Variants in RGS22 observed in about 807,000 individuals in gnomAD.
RGS22 encodes regulator of G protein signaling 22, also known as regulator of G-protein signaling 22.
Under a neutral mutation model 172.9 loss-of-function variants are expected in RGS22, and 148 were observed. The ratio of observed to expected loss-of-function variants is 0.86; its 90% confidence interval spans 0.75 to 0.98. The LOEUF is 0.98. Ranked by LOEUF, RGS22 falls within the 50% of genes least tolerant of loss-of-function variation. The pLI is 0.00. For synonymous variants in RGS22, 458 were observed against 480.2 expected (o/e 0.95, Z 0.60); for missense variants, 1,347 against 1,440.8 (o/e 0.93, Z 1.05).
At chr8:100,057,110 AGAGCTTTAAGATTTG>A (rs1809699997) in intron 9 of RGS22, among the ~76,000 whole-genome samples, 1 of 152,252 alleles carries the variant, frequency 6.6e-6, no homozygotes, top group Non-Finnish European at 1.5e-5. Context: ...AGATCATTTC[AGAGCTTTAAGATTTG>A]GCTGTCCTGC....
intron 6 of RGS22, among the ~76,000 whole-genome samples, chr8:100,070,164 A>G (rs922345147): frequency 9.9e-5 from 15 of 151,974 alleles, no homozygotes; most frequent in African/African-American, 3.4e-4. Flanking sequence ...AGTTCTTTTT[A>G]GGTTTCCAGG....
At chr8:100,055,841 C>T (rs1822186791) in intron 9 of RGS22, among the ~76,000 whole-genome samples, 1 of 152,174 alleles carries the variant, frequency 6.6e-6, no homozygotes, top group African/African-American at 2.4e-5. Context: ...TTATATATTA[C>T]CCAGTCTCGG....
At position 100,051,684 on chromosome 8, in the gene RGS22, T is replaced by TATATATATTTATATATACGTATATATAA. The variant is rs1378665166; in HGVS notation, c.1689+1090_1689+1117dup. Among the ~76,000 whole-genome samples the TATATATATTTATATATACGTATATATAA allele has an allele frequency of 5.0e-4, 15 of 29,876 alleles. 1 individual carries two copies. Among genetic ancestry groups the TATATATATTTATATATACGTATATATAA allele is most frequent in the South Asian group, 1.1e-3 (1 of 918 alleles). 19.6% of individuals were successfully genotyped at this position (29,876 alleles called of 152,430 possible). On this transcript the variant is annotated intron_variant, in intron 10 of 27. Transcript: ENST00000360863. ...ATATATATTTATATATGTTTATACA[T>TATATATATTTATATATACGTATATATAA]ATATATATTTATATATACGTATATA...
In RGS22 at chr8:100,062,673, T is replaced by C. The variant is rs761296421; in HGVS notation, c.1432A>G (p.Lys478Glu). The change falls in exon 9 of 28, where the codon AAA becomes GAA. Residue 478 changes from lysine to glutamate, a missense_variant. Transcript: ENST00000360863. ...TTCCACTGTGATCCATCTAACAGTT[T>C]AAATTTTGATAAGATTTCTGCAGAA... Reference protein sequence around the residue: ...YLSAEILSKFKLLDGSQWNEE... With the variant: ...YLSAEILSKFELLDGSQWNEE... 8 of 1,598,266 alleles carry C rather than the reference T, an allele frequency of 5.0e-6. No homozygotes were observed. The Admixed American group carries it at 1.4e-4, about 28-fold the overall frequency.
At chr8:100,084,074 T>TG (rs1236077815) in intron 3 of RGS22, among the ~76,000 whole-genome samples, 2 of 152,060 alleles carry the variant, frequency 1.3e-5, no homozygotes, top group Non-Finnish European at 2.9e-5. Context: ...CTTGACCTCA[T>TG]GATCCGTCCA....
chr8:100,005,184 G>T (rs946604111), intron 16 of RGS22, among the ~76,000 whole-genome samples: 1 of 151,464 alleles, frequency 6.6e-6, no homozygotes. Flanking sequence ...AGAACTTCTG[G>T]ATAAGAATAA....
intron 14 of RGS22, among the ~76,000 whole-genome samples, chr8:100,013,323 G>A (rs1816619040): frequency 6.6e-6 from 1 of 152,068 alleles, no homozygotes; most frequent in African/African-American, 2.4e-5. Flanking sequence ...AGAGAAGAGG[G>A]TAAAGTAGGA....
rs1427696082 is a variant in RGS22 at position 100,098,851 on chromosome 8, TTTA to T, written c.55-5345_55-5343del. 6.3e-3 allele frequency among the ~76,000 whole-genome samples: 143 copies of T among 22,774 alleles called. 6 individuals are homozygous for T. The highest frequency in any genetic ancestry group is 0.04 in the African/African-American group (128 of 3,238). 14.9% of individuals were successfully genotyped at this position (22,774 alleles called of 152,430 possible). ...GACCCCCTTTTATTTTTTTATTTAT[TTTA>T]TTATTTTATTTATTTTATTTTATTT... On this transcript the variant is annotated intron_variant, in intron 2 of 27. Coordinates refer to ENST00000360863, the MANE Select transcript of RGS22 (RefSeq NM_015668.5).
At chr8:100,104,275 G>C (rs1289188886) in intron 2 of RGS22, among the ~76,000 whole-genome samples, 2 of 151,990 alleles carry the variant, frequency 1.3e-5, no homozygotes, top group African/African-American at 4.8e-5. Context: ...GTTGTGATGG[G>C]GCCACTACAC....
At chr8:99,969,379 T>A (rs764875190) in intron 23 of RGS22, among the ~76,000 whole-genome samples, 6 of 152,154 alleles carry the variant, frequency 3.9e-5, no homozygotes, top group Non-Finnish European at 7.4e-5. Context: ...AGGATCAAAT[T>A]CACACATAAC....
chr8:100,003,761 T>A (rs1414429204), intron 17 of RGS22, among the ~76,000 whole-genome samples, 165 bp downstream of exon 17: 4 of 152,198 alleles, frequency 2.6e-5, no homozygotes, highest in African/African-American at 9.6e-5. Flanking sequence ...ATGTACTCCA[T>A]CTTTAAAAAG....
chr8:100,100,189 T>C (rs1423362154), intron 2 of RGS22, among the ~76,000 whole-genome samples: 1 of 152,222 alleles, frequency 6.6e-6, no homozygotes, highest in Non-Finnish European at 1.5e-5. Flanking sequence ...CAACCTCCTA[T>C]GTACTTTAAA....
intron 21 of RGS22, among the ~76,000 whole-genome samples, chr8:99,983,183 A>C (rs1394906146): frequency 1.3e-5 from 2 of 152,068 alleles, no homozygotes; most frequent in Non-Finnish European, 2.9e-5. Flanking sequence ...TATGTACCAC[A>C]TTTTCTTTAT....
At chr8:99,962,649 A>T in intron 26 of RGS22, 38 bp downstream of exon 26, 3 of 1,567,758 alleles carry the variant, frequency 1.9e-6, no homozygotes, top group Non-Finnish European at 2.6e-6. Flanking sequence ...CATCAAAAAG[A>T]AAGAAACAAC....
At chr8:99,965,199 A>G in intron 24 of RGS22, 136 bp downstream of exon 24, 1 of 457,868 alleles carries the variant, frequency 2.2e-6, no homozygotes, top group Non-Finnish European at 3.8e-6. Context: ...ACTCCCTTCA[A>G]TCTCTCCTAC....
At chr8:100,104,695 G>C (rs1813784788) in intron 2 of RGS22, among the ~76,000 whole-genome samples, 1 of 152,100 alleles carries the variant, frequency 6.6e-6, no homozygotes, top group African/African-American at 2.4e-5. Context: ...AAGATAATTA[G>C]CCAACAAGAG....
chr8:99,993,857 A>C (rs893811421), intron 20 of RGS22, among the ~76,000 whole-genome samples: 2 of 152,214 alleles, frequency 1.3e-5, no homozygotes, highest in Non-Finnish European at 2.9e-5. Flanking sequence ...ATCGATGCGA[A>C]AATCCTCAAC....
chr8:99,976,611 T>TC (rs1811982249), intron 23 of RGS22, among the ~76,000 whole-genome samples: 1 of 152,164 alleles, frequency 6.6e-6, no homozygotes, highest in Non-Finnish European at 1.5e-5. Flanking sequence ...TCCGCCCGCC[T>TC]CGGCCTCCCA....
In RGS22 at chr8:100,091,181, G is replaced by A. The variant is rs138360683; in HGVS notation, c.117+2266C>T. On this transcript the variant is annotated intron_variant, in intron 3 of 27. Transcript: ENST00000360863. ...TCATTCCTTCTCCTCCCTGTCCCCA[G>A]ATTCTTTTTGAAAACCCGCGACAAC... Among the ~76,000 whole-genome samples, 1,091 of 151,392 alleles carry A rather than the reference G, an allele frequency of 7.2e-3. 9 individuals are homozygous for A. Among genetic ancestry groups the A allele is most frequent in the Non-Finnish European group, 0.013 (862 of 67,916 alleles).
Sources: gnomAD v4.1 joint callset for allele counts (sites outside exome capture counted in the v4.1 genomes callset) on GRCh38, gnomAD v4.1.1 for gene constraint, MANE v1.5 for transcripts, NCBI Gene and HGNC (gene_info 2026-07-23, HGNC 2026-07-21) for gene names.